The following QNG1 variants were observed in gnomAD, a reference collection of about 807,000 sequenced individuals.
QNG1 encodes the protein queuosine 5'-phosphate N-glycosylase/hydrolase.
the QNG1 span, among the ~76,000 whole-genome samples, chr9:83,943,331 CAAA>C: frequency 5.0e-4 from 31 of 62,514 alleles, no homozygotes; most frequent in African/African-American, 1.3e-3. Context: ...CAGAGCGTCT[CAAA>C]AAAAAAAAAA....
chr9:83,946,479 A>G, the QNG1 span, among the ~76,000 whole-genome samples: 1,242 of 152,332 alleles, frequency 8.2e-3, 32 homozygotes, highest in East Asian at 0.037. Flanking sequence ...ATATTTACCA[A>G]TTTTGGAAAT....
chr9:83,955,455 C>G, the QNG1 span: 1 of 1,614,178 alleles, frequency 6.2e-7, no homozygotes. Flanking sequence ...GCACTATTCT[C>G]ACTTTCTCGG....
the QNG1 span, chr9:83,938,812 T>G: frequency 2.0e-5 from 3 of 152,112 alleles, no homozygotes; most frequent in African/African-American, 7.2e-5. Context: ...GGCGTGACTG[T>G]GGCTCACTGC....
the QNG1 span, chr9:83,938,730 A>G: frequency 6.7e-6 from 1 of 149,306 alleles, no homozygotes; most frequent in East Asian, 1.9e-4. Context: ...AAAGTTGGGA[A>G]TACATAGCGA....
the QNG1 span, chr9:83,938,551 TATATC>T: frequency 1.6e-4 from 25 of 152,006 alleles, no homozygotes; most frequent in Non-Finnish European, 8.8e-5. Context: ...CTCAAGAAAA[TATATC>T]AGTAGATGAA....
At chr9:83,948,796 C>T in the QNG1 span, among the ~76,000 whole-genome samples, 1 of 152,170 alleles carries the variant, frequency 6.6e-6, no homozygotes, top group Non-Finnish European at 1.5e-5. Flanking sequence ...AACTTACCCC[C>T]AACCCCGTGC....
chr9:83,955,716 G>T, the QNG1 span: 1 of 1,378,200 alleles, frequency 7.3e-7, no homozygotes, highest in Non-Finnish European at 1.0e-6. Flanking sequence ...TTACAACATG[G>T]AATTAATATG....
the QNG1 span, chr9:83,944,761 T>C: frequency 1.3e-6 from 2 of 1,516,974 alleles, no homozygotes; most frequent in Non-Finnish European, 1.8e-6. Context: ...CAACAATTCA[T>C]AGTATAACAA....
At chr9:83,956,168 G>A in the QNG1 span, 1 of 1,609,398 alleles carries the variant, frequency 6.2e-7, no homozygotes, top group South Asian at 1.1e-5. Flanking sequence ...ACCAACCTTC[G>A]TCGAGGGCTC....
At chr9:83,948,937 C>T in the QNG1 span, among the ~76,000 whole-genome samples, 1 of 151,758 alleles carries the variant, frequency 6.6e-6, no homozygotes, top group East Asian at 1.9e-4. Flanking sequence ...TCTCAAGTAC[C>T]CAGGGACACA....
chr9:83,944,666 C>T, the QNG1 span: 1 of 660,838 alleles, frequency 1.5e-6, no homozygotes. Context: ...TTTGCATTTT[C>T]CTTTTTACAT....
chr9:83,946,509 G>A, the QNG1 span, among the ~76,000 whole-genome samples: 1 of 152,124 alleles, frequency 6.6e-6, no homozygotes, highest in Non-Finnish European at 1.5e-5. Flanking sequence ...TGATATGTAA[G>A]TCCAAATATG....
chr9:83,948,647 T>C, the QNG1 span, among the ~76,000 whole-genome samples: 1,238 of 152,164 alleles, frequency 8.1e-3, 31 homozygotes, highest in East Asian at 0.037. Context: ...TTTTGTCGAA[T>C]AGAAAGGGGG....
At chr9:83,955,334 C>T in the QNG1 span, 1 of 1,585,130 alleles carries the variant, frequency 6.3e-7, no homozygotes, top group Non-Finnish European at 8.6e-7. Context: ...AAAGAGTTAA[C>T]TCTGAGATGA....
At chr9:83,951,139 C>T in the QNG1 span, among the ~76,000 whole-genome samples, 3 of 151,920 alleles carry the variant, frequency 2.0e-5, no homozygotes, top group Non-Finnish European at 2.9e-5. Flanking sequence ...GGCATGATGG[C>T]GGGTGCCTGT....
the QNG1 span, among the ~76,000 whole-genome samples, chr9:83,946,518 T>C: frequency 1.3e-5 from 2 of 152,124 alleles, no homozygotes; most frequent in African/African-American, 4.8e-5. Flanking sequence ...AGTCCAAATA[T>C]GAAAATAAAA....
the QNG1 span, among the ~76,000 whole-genome samples, chr9:83,943,991 A>T: frequency 1.3e-5 from 2 of 151,538 alleles, no homozygotes; most frequent in African/African-American, 2.4e-5. Context: ...ACTGCACTCT[A>T]GCCTGGGCAA....
At chr9:83,939,367 C>T in the QNG1 span, 15 of 637,448 alleles carry the variant, frequency 2.4e-5, no homozygotes, top group Admixed American at 5.4e-5. Context: ...CCACTGTGCC[C>T]GGCCTAGGAA....
chr9:83,946,134 G>A, the QNG1 span, among the ~76,000 whole-genome samples: 3 of 151,562 alleles, frequency 2.0e-5, no homozygotes, highest in East Asian at 3.9e-4. Context: ...GTAATACCCC[G>A]TCTGTACTAA....
Sources: gnomAD v4.1 joint callset for allele counts (sites outside exome capture counted in the v4.1 genomes callset) on GRCh38, gnomAD v4.1.1 for gene constraint, MANE v1.5 for transcripts, NCBI Gene and HGNC (gene_info 2026-07-23, HGNC 2026-07-21) for gene names.